CREB5: variants seen among roughly 807,000 people sequenced by gnomAD.
The protein encoded by CREB5 is cyclic AMP-responsive element-binding protein 5.
CREB5 carries 19 observed loss-of-function variants against 57.1 expected under a neutral mutation model. The observed-to-expected ratio is 0.33, with a 90% CI of 0.23 to 0.49. The LOEUF is 0.49. Among genes scored for constraint, CREB5 ranks in the 20% least tolerant of loss-of-function variants. CREB5 has a pLI of 0.99. For synonymous variants in CREB5, 238 were observed against 238.3 expected (o/e 1.00, Z 0.01); for missense variants, 579 against 671.6 (o/e 0.86, Z 1.52).
intron 1 of CREB5, among the ~76,000 whole-genome samples, chr7:28,454,532 C>T (rs1790005011): frequency 6.6e-6 from 1 of 152,172 alleles, no homozygotes; most frequent in Non-Finnish European, 1.5e-5. Context: ...CGCCAGATTG[C>T]TTCCTGGTGC....
rs1583438517 is a variant in CREB5, at chr7:28,624,796, A to G, written c.464+54259A>G. Reference sequence around the variant, plus strand: ...TCCCTATAAAAGGAAAGGCTGGCCCAGATGGTCTGACAGCTCCTAGTGCTC... The same window carrying G: ...TCCCTATAAAAGGAAAGGCTGGCCCGGATGGTCTGACAGCTCCTAGTGCTC... On this transcript the variant is annotated intron_variant, in intron 5 of 10. Transcript: ENST00000357727. Among the ~76,000 whole-genome samples the G allele has an allele frequency of 2.0e-5, 3 of 152,112 alleles. No individual in the cohort carries two copies. The South Asian group carries it at 6.2e-4, about 32-fold the overall frequency.
intron 1 of CREB5, among the ~76,000 whole-genome samples, chr7:28,414,518 G>A (rs1368443031): frequency 2.6e-5 from 4 of 152,120 alleles, no homozygotes; most frequent in Non-Finnish European, 5.9e-5. Context: ...CTAAGTGTGA[G>A]GAAGAAGCAC....
intron 1 of CREB5, among the ~76,000 whole-genome samples, chr7:28,357,976 T>C (rs1562673009): frequency 6.6e-6 from 1 of 152,164 alleles, no homozygotes; most frequent in African/African-American, 2.4e-5. Flanking sequence ...TGCTTATTGA[T>C]AGCAGAGGAA....
At chr7:28,629,965 C>G (rs1798142577) in intron 5 of CREB5, among the ~76,000 whole-genome samples, 2 of 152,120 alleles carry the variant, frequency 1.3e-5, no homozygotes, top group South Asian at 4.1e-4. Flanking sequence ...TTGGAAGGAA[C>G]CTTGGAGACC....
intron 1 of CREB5, among the ~76,000 whole-genome samples, chr7:28,395,099 C>G (rs778998839): frequency 2.6e-5 from 4 of 152,134 alleles, no homozygotes; most frequent in African/African-American, 4.8e-5. Flanking sequence ...ACTATATATT[C>G]GAGAATATTG....
intron 1 of CREB5, among the ~76,000 whole-genome samples, chr7:28,425,035 G>A (rs1788441680): frequency 6.6e-6 from 1 of 152,144 alleles, no homozygotes; most frequent in African/African-American, 2.4e-5. Flanking sequence ...GGGTTTGTTA[G>A]ATAGGTAAAT....
At chr7:28,643,149 T>C (rs1248185790) in intron 5 of CREB5, among the ~76,000 whole-genome samples, 1 of 152,162 alleles carries the variant, frequency 6.6e-6, no homozygotes, top group Non-Finnish European at 1.5e-5. Context: ...ATTGAACTTG[T>C]AGGTGTTAGG....
intron 5 of CREB5, among the ~76,000 whole-genome samples, chr7:28,637,349 TC>T (rs1209568153): frequency 6.6e-6 from 1 of 152,208 alleles, no homozygotes; most frequent in African/African-American, 2.4e-5. Flanking sequence ...TGCTGGACTC[TC>T]TTTTGGGGGC....
In CREB5 at chr7:28,570,464, A is replaced by T. The variant is rs758944555; in HGVS notation, c.391A>T (p.Ile131Phe). The T allele has an allele frequency of 4.3e-6, 7 of 1,613,978 alleles. No individual in the cohort carries two copies. The highest frequency in any genetic ancestry group is 1.7e-5 in the Admixed American group (1 of 59,998). The change falls in exon 5 of 11, where the codon ATT becomes TTT. Residue 131 changes from isoleucine to phenylalanine, a missense_variant. Physicochemically the swap from Ile to Phe is conservative, Grantham distance 21. Transcript: ENST00000357727. ...GCCCAACCATGACACCAACGTTGTG[A>T]TTCAGCAAGCCATGCCGTCGCCTCA... Reference protein sequence around the residue: ...RLPNHDTNVVIQQAMPSPQSS... With the variant: ...RLPNHDTNVVFQQAMPSPQSS...
intron 5 of CREB5, among the ~76,000 whole-genome samples, chr7:28,605,784 T>A (rs915448270): frequency 0.019 from 13 of 688 alleles, no homozygotes; most frequent in African/African-American, 0.026. Flanking sequence ...GACACAAGAG[T>A]GCTTCGGTCC....
intron 1 of CREB5, among the ~76,000 whole-genome samples, chr7:28,461,624 C>T (rs1790353762): frequency 6.6e-6 from 1 of 152,052 alleles, no homozygotes; most frequent in Non-Finnish European, 1.5e-5. Context: ...TGAAGCCATA[C>T]CTCTAGGATT....
chr7:28,411,392 C>T (rs908518666), upstream of CREB5, among the ~76,000 whole-genome samples: 1 of 152,094 alleles, frequency 6.6e-6, no homozygotes, highest in Non-Finnish European at 1.5e-5. Context: ...TAAATTGCTG[C>T]GTGCGTTAGT....
chr7:28,407,243 G>A (rs951884677), intron 1 of CREB5, among the ~76,000 whole-genome samples: 7 of 152,110 alleles, frequency 4.6e-5, no homozygotes, highest in African/African-American at 1.2e-4. Flanking sequence ...AGAGACGGGC[G>A]TTTCACCATG....
chr7:28,770,292 G>C (rs1478761061), intron 7 of CREB5, among the ~76,000 whole-genome samples: 1 of 152,100 alleles, frequency 6.6e-6, no homozygotes, highest in Non-Finnish European at 1.5e-5. Context: ...GTCTTTCTTG[G>C]GCATCTATGA....
At chr7:28,481,813 G>C (rs1046694927) in intron 1 of CREB5, among the ~76,000 whole-genome samples, 2 of 152,064 alleles carry the variant, frequency 1.3e-5, no homozygotes, top group African/African-American at 4.8e-5. Flanking sequence ...CACAAAGAGA[G>C]GAGAGAAAGG....
At chr7:28,589,955 A>G (rs965448216) in intron 5 of CREB5, among the ~76,000 whole-genome samples, 4 of 152,206 alleles carry the variant, frequency 2.6e-5, no homozygotes, top group African/African-American at 9.7e-5. Flanking sequence ...TGACAATAGG[A>G]AAGACATTAT....
chr7:28,616,196 A>G (rs1184499044), intron 5 of CREB5, among the ~76,000 whole-genome samples: 1 of 152,064 alleles, frequency 6.6e-6, no homozygotes, highest in African/African-American at 2.4e-5. Context: ...AATACTTCCC[A>G]TGTGGTATGG....
intron 4 of CREB5, among the ~76,000 whole-genome samples, chr7:28,568,865 A>T (rs1795585686): frequency 6.6e-6 from 1 of 152,342 alleles, no homozygotes; most frequent in Non-Finnish European, 1.5e-5. Context: ...GTAGTGCAGG[A>T]AATCCTTTTC....
chr7:28,801,639 G>A (rs928583560), intron 7 of CREB5, among the ~76,000 whole-genome samples: 1 of 152,090 alleles, frequency 6.6e-6, no homozygotes, highest in Non-Finnish European at 1.5e-5. Context: ...CTGGAATGCT[G>A]TTCACCCACC....
Sources: allele counts gnomAD v4.1 joint callset (sites outside exome capture counted in the v4.1 genomes callset), GRCh38; gene constraint gnomAD v4.1.1; transcripts MANE v1.5; gene names NCBI Gene and HGNC (gene_info 2026-07-23, HGNC 2026-07-21).